The following DSCAM variants were observed in gnomAD, a reference collection of about 807,000 sequenced individuals.
DSCAM encodes the protein cell adhesion molecule DSCAM.
In DSCAM, 47 loss-of-function variants were observed where a neutral mutation model predicts 217.7. The observed-to-expected ratio is 0.22, with a 90% CI of 0.17 to 0.28. The LOEUF is 0.28. Ranked by LOEUF, DSCAM falls within the 10% of genes least tolerant of loss-of-function variation. DSCAM has a pLI of 1.00. For synonymous variants in DSCAM, 1,056 were observed against 1,015.3 expected (o/e 1.04, Z -0.76); for missense variants, 2,080 against 2,618.3 (o/e 0.79, Z 4.49).
At chr21:40,138,587 G>C (rs1309931801) in intron 18 of DSCAM, among the ~76,000 whole-genome samples, 2 of 143,860 alleles carry the variant, frequency 1.4e-5, no homozygotes, top group Non-Finnish European at 3.0e-5. Context: ...GTGTGGTGTG[G>C]TATGTGGTGT....
intron 11 of DSCAM, among the ~76,000 whole-genome samples, chr21:40,209,186 T>C (rs1464906434): frequency 1.3e-5 from 2 of 152,172 alleles, no homozygotes; most frequent in East Asian, 3.9e-4. Flanking sequence ...GAAGTGCACA[T>C]GCTTCCGCCT....
At chr21:40,187,791 G>T in intron 13 of DSCAM, 100 bp downstream of exon 13, 1 of 1,062,162 alleles carries the variant, frequency 9.4e-7, no homozygotes, top group Non-Finnish European at 1.5e-6. Context: ...ATTAGGAAGT[G>T]TTACATGGCA....
chr21:40,522,650 T>C (rs79432960), intron 3 of DSCAM, among the ~76,000 whole-genome samples: 6,160 of 152,268 alleles, frequency 0.04, 264 homozygotes, highest in East Asian at 0.21. Context: ...GAAACAGAAT[T>C]GATCAGCTGA....
intron 15 of DSCAM, among the ~76,000 whole-genome samples, chr21:40,178,106 C>T (rs1306077806): frequency 6.6e-6 from 1 of 152,192 alleles, no homozygotes; most frequent in Non-Finnish European, 1.5e-5. Flanking sequence ...GCAGTGGCTT[C>T]CTCTCCTCCT....
intron 11 of DSCAM, among the ~76,000 whole-genome samples, chr21:40,208,173 C>T (rs2091145825): frequency 6.6e-6 from 1 of 152,340 alleles, no homozygotes; most frequent in African/African-American, 2.4e-5. Flanking sequence ...GCAGCACTGG[C>T]CAGGCATGGT....
In DSCAM at chr21:40,481,937, T is replaced by C. The variant is rs551761217; in HGVS notation, c.509-112692A>G. ...ACCCGGAACACACGTGCACTGCTTATTGATCCAAAGTGGATCCTGTCACCC... is the reference window on the plus strand; with the variant it reads ...ACCCGGAACACACGTGCACTGCTTACTGATCCAAAGTGGATCCTGTCACCC... On this transcript the variant is annotated intron_variant, in intron 3 of 32. Transcript: ENST00000400454. Among the ~76,000 whole-genome samples the C allele has an allele frequency of 1.5e-3, 227 of 152,308 alleles. 1 individual carries two copies. The highest frequency in any genetic ancestry group is 4.1e-3 in the African/African-American group (172 of 41,572).
At chr21:40,587,390 C>T (rs1210219641) in intron 3 of DSCAM, among the ~76,000 whole-genome samples, 4 of 152,148 alleles carry the variant, frequency 2.6e-5, no homozygotes, top group African/African-American at 9.7e-5. Context: ...ATTACAGCAT[C>T]CATTCATGTT....
chr21:40,481,725 T>C (rs2075984587), intron 3 of DSCAM, among the ~76,000 whole-genome samples: 1 of 152,092 alleles, frequency 6.6e-6, no homozygotes, highest in Non-Finnish European at 1.5e-5. Context: ...TATTCAACTG[T>C]GGAAACAACA....
At chr21:40,602,413 TAA>T (rs2077069503) in intron 3 of DSCAM, among the ~76,000 whole-genome samples, 1 of 152,180 alleles carries the variant, frequency 6.6e-6, no homozygotes, top group South Asian at 2.1e-4. Context: ...TTTTTTTCTT[TAA>T]GAGTTGGTAG....
intron 1 of DSCAM, among the ~76,000 whole-genome samples, chr21:40,812,992 G>A (rs1050926003): frequency 6.6e-6 from 1 of 152,184 alleles, no homozygotes; most frequent in Non-Finnish European, 1.5e-5. Flanking sequence ...TTGTTTTAGT[G>A]AAAGGAATGG....
chr21:40,159,868 C>A (rs558236656), intron 16 of DSCAM, among the ~76,000 whole-genome samples: 57 of 152,362 alleles, frequency 3.7e-4, no homozygotes, highest in African/African-American at 1.3e-3. Context: ...CAGGCATGTG[C>A]CACTGTGCCC....
intron 1 of DSCAM, among the ~76,000 whole-genome samples, chr21:40,749,374 A>T: frequency 6.6e-6 from 1 of 152,220 alleles, no homozygotes; most frequent in East Asian, 1.9e-4. Flanking sequence ...ACAACTCAAT[A>T]TCAAAAAAGC....
intron 24 of DSCAM, among the ~76,000 whole-genome samples, chr21:40,080,786 T>C (rs902581626): frequency 1.3e-5 from 2 of 152,228 alleles, no homozygotes; most frequent in Admixed American, 1.3e-4. Context: ...TCACTCCTCA[T>C]GTACTCCTGG....
chr21:40,096,408 T>A (rs965382747), intron 20 of DSCAM, among the ~76,000 whole-genome samples: 1 of 152,168 alleles, frequency 6.6e-6, no homozygotes, highest in Non-Finnish European at 1.5e-5. Flanking sequence ...GCACGCATCC[T>A]CACTTTGGCA....
intron 3 of DSCAM, among the ~76,000 whole-genome samples, chr21:40,598,497 G>GTTT (rs71186947): frequency 0.02 from 1,316 of 66,882 alleles, 75 homozygotes; most frequent in East Asian, 0.038. Context: ...CTGCCAAACT[G>GTTT]TTTTTTTTTT....
intron 11 of DSCAM, among the ~76,000 whole-genome samples, chr21:40,191,511 T>C (rs887710011): frequency 2.0e-5 from 3 of 152,202 alleles, no homozygotes; most frequent in Admixed American, 2.0e-4. Context: ...AATAAAAATG[T>C]TTATTTTTAT....
In DSCAM at chr21:40,409,329, A is replaced by T. The variant is rs7276283; in HGVS notation, c.509-40084T>A. ...GCAACTTGAGTCATGGTCAAAATATATGAAATAGTGATTTATAAATTTGGA... is the reference window on the plus strand; with the variant it reads ...GCAACTTGAGTCATGGTCAAAATATTTGAAATAGTGATTTATAAATTTGGA... On this transcript the variant is annotated intron_variant, in intron 3 of 32. Coordinates refer to ENST00000400454, the MANE Select transcript of DSCAM (RefSeq NM_001389.5). Among the ~76,000 whole-genome samples the T allele has an allele frequency of 7.2e-5, 11 of 152,364 alleles. 1 individual carries two copies. The highest frequency in any genetic ancestry group is 2.4e-4 in the African/African-American group (10 of 41,588).
chr21:40,750,731 C>G (rs940591169), intron 1 of DSCAM, among the ~76,000 whole-genome samples: 2 of 152,042 alleles, frequency 1.3e-5, no homozygotes, highest in African/African-American at 4.8e-5. Context: ...CCCTGTTTCC[C>G]TCACTCGATG....
intron 3 of DSCAM, among the ~76,000 whole-genome samples, chr21:40,432,000 G>C (rs1211186519): frequency 2.0e-5 from 3 of 152,058 alleles, no homozygotes; most frequent in Admixed American, 6.6e-5. Flanking sequence ...AGGAGTTTGA[G>C]ACTAGCCTGG....
Sources: allele counts gnomAD v4.1 joint callset (sites outside exome capture counted in the v4.1 genomes callset), GRCh38; gene constraint gnomAD v4.1.1; transcripts MANE v1.5; gene names NCBI Gene and HGNC (gene_info 2026-07-23, HGNC 2026-07-21).